TNR: variants seen among roughly 807,000 people sequenced by gnomAD.
TNR encodes the protein tenascin-R.
A neutral mutation model predicts 150.4 loss-of-function variants in TNR; 45 were observed. The observed-to-expected ratio is 0.30, with a 90% CI of 0.24 to 0.38. TNR has a LOEUF of 0.38. Among genes scored for constraint, TNR ranks in the 10% least tolerant of loss-of-function variants. The probability of loss-of-function intolerance (pLI) is 1.00; values close to 1 mark genes in which losing one functional copy is unlikely to be tolerated. For synonymous variants in TNR, 687 were observed against 678.4 expected (o/e 1.01, Z -0.20); for missense variants, 1,544 against 1,759.1 (o/e 0.88, Z 2.19).
At chr1:175,345,683 AG>A (rs1390551356) in intron 18 of TNR, among the ~76,000 whole-genome samples, 1 of 152,118 alleles carries the variant, frequency 6.6e-6, no homozygotes, top group African/African-American at 2.4e-5. Context: ...TAAAAAGCTA[AG>A]GTATTTGGAG....
intron 2 of TNR, among the ~76,000 whole-genome samples, chr1:175,440,214 T>C (rs1269383857): frequency 1.3e-5 from 2 of 152,204 alleles, no homozygotes; most frequent in Non-Finnish European, 2.9e-5. Context: ...GATGAGTTCA[T>C]GTCCTTTATA....
At chr1:175,683,633 A>G (rs1179421302) in intron 1 of TNR, among the ~76,000 whole-genome samples, 1 of 151,970 alleles carries the variant, frequency 6.6e-6, no homozygotes, top group East Asian at 1.9e-4. Context: ...TGGTTTGCAT[A>G]CCAGTACCTG....
chr1:175,547,564 G>GGAAAGAAAGAAAGAAAGAAA (rs61602065), intron 1 of TNR, among the ~76,000 whole-genome samples: 14 of 131,086 alleles, frequency 1.1e-4, no homozygotes, highest in African/African-American at 3.4e-4. Context: ...AAAGATAGAA[G>GGAAAGAAAGAAAGAAAGAAA]GAAAGAAAGA....
chr1:175,697,691 G>A (rs945909618), intron 1 of TNR, among the ~76,000 whole-genome samples: 4 of 152,190 alleles, frequency 2.6e-5, no homozygotes, highest in Admixed American at 2.0e-4. Context: ...AGGAGCAAAT[G>A]GTGGCTGATA....
chr1:175,633,211 G>T (rs941398079), intron 1 of TNR, among the ~76,000 whole-genome samples: 2 of 152,040 alleles, frequency 1.3e-5, no homozygotes, highest in African/African-American at 4.8e-5. Flanking sequence ...ATCATCTGTG[G>T]GGTCTTTCTA....
intron 1 of TNR, among the ~76,000 whole-genome samples, chr1:175,547,932 TA>T (rs34210513): frequency 6.6e-6 from 1 of 152,170 alleles, no homozygotes; most frequent in Non-Finnish European, 1.5e-5. Flanking sequence ...TTAAAGTCCA[TA>T]AAAAATTTTT....
chr1:175,593,551 A>G (rs889291359), intron 1 of TNR, among the ~76,000 whole-genome samples: 5 of 152,216 alleles, frequency 3.3e-5, no homozygotes, highest in Admixed American at 1.3e-4. Flanking sequence ...CTGAGGTTTT[A>G]GGAGTCATAA....
chr1:175,604,637 C>T (rs1305327870), intron 1 of TNR, among the ~76,000 whole-genome samples: 1 of 152,196 alleles, frequency 6.6e-6, no homozygotes. Context: ...TTTATGCCAT[C>T]CTCTCTCCTC....
chr1:175,727,971 T>C (rs982756910), intron 1 of TNR, among the ~76,000 whole-genome samples: 3 of 152,250 alleles, frequency 2.0e-5, no homozygotes, highest in African/African-American at 7.2e-5. Context: ...CTATTTCTAG[T>C]ATTCATTTGG....
At position 175,496,698 on chromosome 1, in the gene TNR, G is replaced by T. The variant is rs191235461; in HGVS notation, c.-64+31571C>A. Among the ~76,000 whole-genome samples the T allele has an allele frequency of 2.1e-3, 315 of 152,350 alleles. 3 individuals are homozygous for T. The highest frequency in any genetic ancestry group is 7.2e-3 in the African/African-American group (298 of 41,592). On this transcript the variant is annotated intron_variant, in intron 2 of 22. Coordinates refer to ENST00000367674, the MANE Select transcript of TNR (RefSeq NM_003285.3). ...AAACAAGAAACTGAGGCTCCGGGCT[G>T]AAAGGAACTGGCTTCAAGTCTCCTA...
chr1:175,644,912 C>G (rs1664765716), intron 1 of TNR, among the ~76,000 whole-genome samples: 1 of 152,206 alleles, frequency 6.6e-6, no homozygotes, highest in Non-Finnish European at 1.5e-5. Flanking sequence ...ACTGTTCTTT[C>G]TCTCACTTCA....
chr1:175,675,323 C>T (rs550189933), intron 1 of TNR, among the ~76,000 whole-genome samples: 17 of 152,314 alleles, frequency 1.1e-4, no homozygotes, highest in Non-Finnish European at 1.5e-4. Context: ...GAGGGTAGCA[C>T]GGCTTGGCAC....
chr1:175,405,638 T>A lies in TNR; in HGVS notation c.499+578A>T, dbSNP rs943677017. ...GTGAGAGTGTGTGTGTGTGTGTGTG[T>A]GTGTGTGTGTGCATACGCTTCTGTG... is the stretch of plus-strand genomic sequence containing the variant. On this transcript the variant is annotated intron_variant, in intron 3 of 22. Coordinates refer to ENST00000367674, the MANE Select transcript of TNR (RefSeq NM_003285.3). Among the ~76,000 whole-genome samples, 8 of 151,872 alleles carry A rather than the reference T, an allele frequency of 5.3e-5. 1 individual carries two copies. The highest frequency in any genetic ancestry group is 1.9e-4 in the African/African-American group (8 of 41,390).
intron 2 of TNR, among the ~76,000 whole-genome samples, chr1:175,472,124 C>T (rs1192758260): frequency 6.6e-6 from 1 of 152,092 alleles, no homozygotes; most frequent in Non-Finnish European, 1.5e-5. Context: ...GATGATGGAG[C>T]AAGACCCTGT....
At chr1:175,413,677 T>C (rs917004394) in intron 2 of TNR, among the ~76,000 whole-genome samples, 1 of 788 alleles carries the variant, frequency 1.3e-3, no homozygotes, top group Non-Finnish European at 2.9e-3. Context: ...AGAGATAAAA[T>C]GGTGGATAGG....
At chr1:175,445,350 T>C (rs1482104224) in intron 2 of TNR, among the ~76,000 whole-genome samples, 2 of 152,212 alleles carry the variant, frequency 1.3e-5, no homozygotes, top group East Asian at 3.9e-4. Flanking sequence ...TTTAAAGCCT[T>C]GTAAGCCAAA....
chr1:175,356,544 A>G (rs1651338982), intron 15 of TNR, 82 bp from the exon 16 acceptor site: 2 of 1,544,138 alleles, frequency 1.3e-6, no homozygotes, highest in African/African-American at 1.4e-5. Context: ...GGTATTTCAC[A>G]TGGATTTACT....
At chr1:175,530,563 T>C (rs2102178704) in intron 1 of TNR, among the ~76,000 whole-genome samples, 1 of 152,220 alleles carries the variant, frequency 6.6e-6, no homozygotes, top group East Asian at 1.9e-4. Context: ...ATATAACAGA[T>C]ATATGGGATG....
chr1:175,696,670 G>A lies in TNR; in HGVS notation c.-165+46556C>T, dbSNP rs562884930. ...CAAGGCAGGCAGATCACCTGTGGTC[G>A]GGAGTTTGAGACCAGCCTGACCAAC... On this transcript the variant is annotated intron_variant, in intron 1 of 22. Transcript: ENST00000367674. 3.3e-5 allele frequency among the ~76,000 whole-genome samples: 5 copies of A among 152,114 alleles called. No individual in the cohort carries two copies. In the East Asian group the frequency reaches 7.7e-4, roughly 24 times the overall value.
Sources: gnomAD v4.1 joint callset for allele counts (sites outside exome capture counted in the v4.1 genomes callset) on GRCh38, gnomAD v4.1.1 for gene constraint, MANE v1.5 for transcripts, NCBI Gene and HGNC (gene_info 2026-07-23, HGNC 2026-07-21) for gene names.